Variants in SORCS1 observed in about 807,000 individuals in gnomAD.
SORCS1 encodes the protein VPS10 domain-containing receptor SorCS1.
A neutral mutation model predicts 146.1 loss-of-function variants in SORCS1; 60 were observed. The ratio of observed to expected loss-of-function variants is 0.41; its 90% CI spans 0.33 to 0.51. SORCS1 has a LOEUF of 0.51. Ranked by LOEUF, SORCS1 falls within the 20% of genes least tolerant of loss-of-function variation. The pLI is 0.21. For synonymous variants in SORCS1, 637 were observed against 584.0 expected (o/e 1.09, Z -1.31); for missense variants, 1,352 against 1,487.6 (o/e 0.91, Z 1.50).
intron 1 of SORCS1, among the ~76,000 whole-genome samples, chr10:107,131,420 G>C (rs1590204988): frequency 6.6e-6 from 1 of 152,294 alleles, no homozygotes; most frequent in East Asian, 1.9e-4. Context: ...GCAGCATTTT[G>C]GATGAAAGCC....
At chr10:106,902,144 G>T (rs1951733754) in intron 2 of SORCS1, among the ~76,000 whole-genome samples, 1 of 152,050 alleles carries the variant, frequency 6.6e-6, no homozygotes, top group East Asian at 1.9e-4. Context: ...TAGGCACTCT[G>T]GTATAATATC....
At chr10:106,698,248 G>C (rs1272328032) in intron 9 of SORCS1, among the ~76,000 whole-genome samples, 1 of 152,196 alleles carries the variant, frequency 6.6e-6, no homozygotes, top group Non-Finnish European at 1.5e-5. Flanking sequence ...AGTGAAATTA[G>C]TTTCTTTCAT....
At chr10:107,084,998 T>C (rs1334068954) in intron 1 of SORCS1, among the ~76,000 whole-genome samples, 1 of 152,164 alleles carries the variant, frequency 6.6e-6, no homozygotes, top group Non-Finnish European at 1.5e-5. Flanking sequence ...GAAACCAGTG[T>C]CTGGTCTTGA....
chr10:106,671,518 T>G, intron 15 of SORCS1, 151 bp from the exon 16 acceptor site: 1 of 1,024,702 alleles, frequency 9.8e-7, no homozygotes. Context: ...CCTTTTGCGG[T>G]CTAGAGCCCT....
intron 2 of SORCS1, among the ~76,000 whole-genome samples, chr10:106,850,540 C>G (rs375526856): frequency 6.6e-6 from 1 of 152,246 alleles, no homozygotes; most frequent in African/African-American, 2.4e-5. Context: ...AGAAATCACC[C>G]GTCTTCTGCG....
intron 1 of SORCS1, among the ~76,000 whole-genome samples, chr10:107,026,820 C>A (rs199525142): frequency 1.3e-5 from 2 of 151,862 alleles, no homozygotes; most frequent in East Asian, 3.9e-4. Flanking sequence ...TCAACTTGTA[C>A]ATCTCTGGGT....
chr10:106,888,396 AAAG>A (rs879610736), intron 2 of SORCS1, among the ~76,000 whole-genome samples: 5 of 152,182 alleles, frequency 3.3e-5, no homozygotes, highest in Non-Finnish European at 7.3e-5. Context: ...CAGCACTGGA[AAAG>A]AAGAAAATAT....
At chr10:106,781,958 C>T (rs1031256542) in intron 3 of SORCS1, among the ~76,000 whole-genome samples, 3 of 150,540 alleles carry the variant, frequency 2.0e-5, no homozygotes, top group African/African-American at 5.0e-5. Flanking sequence ...CAAGCACACA[C>T]TGATAGAAAT....
intron 2 of SORCS1, among the ~76,000 whole-genome samples, chr10:106,912,091 C>A (rs186985654): frequency 1.8e-3 from 250 of 142,560 alleles, no homozygotes; most frequent in Admixed American, 2.6e-3. Context: ...CCAGCCTGAG[C>A]GACAGATTGA....
intron 1 of SORCS1, among the ~76,000 whole-genome samples, chr10:107,081,160 A>G (rs1286890648): frequency 1.3e-5 from 2 of 151,942 alleles, no homozygotes; most frequent in Non-Finnish European, 2.9e-5. Flanking sequence ...TATCTCTTTA[A>G]TCTTTCCCTA....
At chr10:106,794,187 C>A (rs1311188368) in intron 3 of SORCS1, among the ~76,000 whole-genome samples, 1 of 152,098 alleles carries the variant, frequency 6.6e-6, no homozygotes, top group Non-Finnish European at 1.5e-5. Flanking sequence ...GGACATTATT[C>A]CCATATGGCC....
At chr10:106,775,627 T>G in intron 4 of SORCS1, among the ~76,000 whole-genome samples, 1 of 152,260 alleles carries the variant, frequency 6.6e-6, no homozygotes, top group Admixed American at 6.5e-5. Flanking sequence ...TTCTTTAAAT[T>G]TATATAATTT....
At chr10:107,015,660 C>G (rs576446713) in intron 1 of SORCS1, among the ~76,000 whole-genome samples, 1 of 152,256 alleles carries the variant, frequency 6.6e-6, no homozygotes, top group East Asian at 1.9e-4. Flanking sequence ...GGCCTCCTGG[C>G]TCTCTCAATG....
chr10:106,584,385 A>G (rs1035824259), intron 24 of SORCS1, among the ~76,000 whole-genome samples: 1 of 152,196 alleles, frequency 6.6e-6, no homozygotes, highest in African/African-American at 2.4e-5. Context: ...AAAGTAGCCA[A>G]TTGGGAGGCC....
intron 5 of SORCS1, 46 bp downstream of exon 5, chr10:106,761,542 T>A (rs376334276): frequency 5.9e-4 from 917 of 1,542,580 alleles, no homozygotes; most frequent in Non-Finnish European, 7.3e-4. Flanking sequence ...AGGTCATATC[T>A]GACTAGGTCA....
At chr10:106,718,613 C>A (rs1002391299) in intron 6 of SORCS1, among the ~76,000 whole-genome samples, 3 of 152,250 alleles carry the variant, frequency 2.0e-5, no homozygotes, top group Non-Finnish European at 4.4e-5. Flanking sequence ...GCTGCCACAG[C>A]ATGGAAGGGA....
chr10:106,754,381 G>C (rs536349208), intron 5 of SORCS1, among the ~76,000 whole-genome samples: 1 of 152,280 alleles, frequency 6.6e-6, no homozygotes, highest in South Asian at 2.1e-4. Context: ...GAAGCCTATG[G>C]ATACAGTGGA....
In SORCS1 at chr10:106,620,530, G is replaced by C; in HGVS notation, c.2694C>G (p.Pro898=). ...CCTCTTTGTTCTTTGTGGTGACAAA[G>C]GGAAGAGACAGGTGCACGTGCTCCA... ...CPLEHVHLSL[P]FVTTKNKEVN... Residue 898 remains proline (P), a synonymous_variant, in exon 20 of 26, where the codon CCC becomes CCG. Coordinates refer to ENST00000263054, the MANE Select transcript of SORCS1 (RefSeq NM_052918.5). 1 of 1,614,048 alleles carries C rather than the reference G, an allele frequency of 6.2e-7. No homozygotes were observed. The highest frequency in any genetic ancestry group is 8.5e-7 in the Non-Finnish European group (1 of 1,179,932).
At chr10:106,714,182 G>A (rs1855201646) in intron 6 of SORCS1, among the ~76,000 whole-genome samples, 1 of 147,154 alleles carries the variant, frequency 6.8e-6, no homozygotes, top group South Asian at 2.2e-4. Context: ...TTGACCTAGG[G>A]TTTATTTCTG....
Sources: gnomAD v4.1 joint callset for allele counts (sites outside exome capture counted in the v4.1 genomes callset) on GRCh38, gnomAD v4.1.1 for gene constraint, MANE v1.5 for transcripts, NCBI Gene and HGNC (gene_info 2026-07-23, HGNC 2026-07-21) for gene names.